Variants in DIAPH2 observed in about 807,000 individuals in gnomAD.
DIAPH2 encodes the protein diaphanous related formin 2.
A neutral mutation model predicts 92.7 loss-of-function variants in DIAPH2; 35 were observed. The ratio of observed to expected loss-of-function variants is 0.38; its 90% confidence interval spans 0.29 to 0.50. The LOEUF is 0.50. Ranked by LOEUF, DIAPH2 falls within the 20% of genes least tolerant of loss-of-function variation. The pLI is 0.94. For synonymous variants in DIAPH2, 301 were observed against 280.4 expected (o/e 1.07, Z -0.73); for missense variants, 701 against 819.5 (o/e 0.86, Z 1.77).
intron 23 of DIAPH2, among the ~76,000 whole-genome samples, chrX:97,305,115 G>A (rs2068734801): frequency 8.9e-6 from 1 of 112,116 alleles, no homozygotes; most frequent in African/African-American, 3.2e-5. Flanking sequence ...GGCACCATCT[G>A]TCCTAAGCTG....
chrX:96,731,470 C>CT lies in DIAPH2; in HGVS notation c.133-4286dup, dbSNP rs201235520. Among the ~76,000 whole-genome samples the CT allele has an allele frequency of 8.1e-3, 908 of 111,610 alleles. 7 individuals are homozygous for CT. The highest frequency in any genetic ancestry group is 0.029 in the African/African-American group (876 of 30,671). On this transcript the variant is annotated intron_variant, in intron 1 of 26. Coordinates refer to ENST00000324765, the MANE Select transcript of DIAPH2 (RefSeq NM_006729.5). ...GGTGAGACTTTTGAATTATATGCAA[C>CT]TTAGTTGTCCAATTTCTGTGGTAGT...
At chrX:96,696,238 C>A (rs1039672404) in intron 1 of DIAPH2, among the ~76,000 whole-genome samples, 2 of 111,120 alleles carry the variant, frequency 1.8e-5, no homozygotes, top group African/African-American at 6.6e-5. Context: ...CAGAGTGAGA[C>A]CCTGACTCTA....
At chrX:97,141,838 G>A in intron 22 of DIAPH2, 44 bp downstream of exon 22, 2 of 1,121,081 alleles carry the variant, frequency 1.8e-6, no homozygotes, top group Non-Finnish European at 1.2e-6. Context: ...TTGCCTATAT[G>A]GTTTAAATGG....
At chrX:97,037,799 CATG>C (rs2066421312) in intron 17 of DIAPH2, among the ~76,000 whole-genome samples, 1 of 111,480 alleles carries the variant, frequency 9.0e-6, no homozygotes, top group Non-Finnish European at 1.9e-5. Flanking sequence ...TCTGCAAATA[CATG>C]ATTTTATTGG....
intron 26 of DIAPH2, among the ~76,000 whole-genome samples, chrX:97,507,448 A>T (rs2070845291): frequency 1.8e-5 from 2 of 111,225 alleles, no homozygotes; most frequent in Non-Finnish European, 3.8e-5. Flanking sequence ...TTGTCAAGAC[A>T]TTTTATTCTG....
chrX:97,154,929 A>ATTC (rs1011924773), intron 22 of DIAPH2, among the ~76,000 whole-genome samples: 24 of 112,379 alleles, frequency 2.1e-4, no homozygotes, highest in Non-Finnish European at 4.1e-4. Flanking sequence ...AGTAGAAATG[A>ATTC]TTCTTAACTC....
At chrX:96,997,414 T>A (rs753752735) in intron 17 of DIAPH2, among the ~76,000 whole-genome samples, 18 of 111,536 alleles carry the variant, frequency 1.6e-4, no homozygotes, top group Non-Finnish European at 3.2e-4. Flanking sequence ...TTGGATGGTA[T>A]GTACAGCATC....
At chrX:97,347,812 AGT>A (rs1237315141) in intron 23 of DIAPH2, among the ~76,000 whole-genome samples, 1 of 111,224 alleles carries the variant, frequency 9.0e-6, no homozygotes, top group Non-Finnish European at 1.9e-5. Context: ...CAATATGTCT[AGT>A]GTAAGAAGAA....
At position 97,463,274 on chromosome X, in the gene DIAPH2, C is replaced by CTTT. The variant is rs34254892; in HGVS notation, c.3241+33543_3241+33545dup. 1.4e-3 allele frequency among the ~76,000 whole-genome samples: 130 copies of CTTT among 92,218 alleles called. 1 individual carries two copies. Among genetic ancestry groups the CTTT allele is most frequent in the South Asian group, 2.8e-3 (5 of 1,801 alleles). 80.1% of individuals were successfully genotyped at this position (92,218 alleles called of 115,157 possible). On this transcript the variant is annotated intron_variant, in intron 26 of 26. Coordinates refer to ENST00000324765, the MANE Select transcript of DIAPH2 (RefSeq NM_006729.5). ...CTGTGACAGGAATGTTATCTGAATC[C>CTTT]TTTTTTTTTTTTTTTTGCACCAGGC... is the stretch of plus-strand genomic sequence containing the variant.
chrX:96,751,647 G>GTTTTTTTTTTTTTTTTTTTTTTT (rs1332024432), intron 3 of DIAPH2, among the ~76,000 whole-genome samples: 75 of 85,035 alleles, frequency 8.8e-4, no homozygotes, highest in East Asian at 2.2e-3. Flanking sequence ...AGACTTCAGT[G>GTTTTTTTTTTTTTTTTTTTTTTT]TTTTGTTTTT....
intron 3 of DIAPH2, among the ~76,000 whole-genome samples, chrX:96,743,337 TTATATC>T (rs71829702): frequency 0.056 from 6,228 of 111,608 alleles, 194 homozygotes; most frequent in Middle Eastern, 0.15. Context: ...AAAATCCTGT[TTATATC>T]TAGTAGTGGA....
intron 26 of DIAPH2, among the ~76,000 whole-genome samples, chrX:97,593,976 T>C (rs1023817640): frequency 1.8e-5 from 2 of 111,645 alleles, no homozygotes; most frequent in Non-Finnish European, 3.8e-5. Flanking sequence ...CACAAATTCA[T>C]ATACTGCCAA....
chrX:97,498,904 T>C (rs910748420), intron 26 of DIAPH2, among the ~76,000 whole-genome samples: 2 of 111,175 alleles, frequency 1.8e-5, no homozygotes, highest in Non-Finnish European at 3.8e-5. Context: ...CCCAGAGAAG[T>C]TCCCTGAGGA....
intron 4 of DIAPH2, among the ~76,000 whole-genome samples, chrX:96,833,213 T>C (rs1233567915): frequency 9.0e-6 from 1 of 111,601 alleles, no homozygotes; most frequent in Admixed American, 9.6e-5. Context: ...ATTGAAAGGA[T>C]TTTGGAATTA....
chrX:96,971,409 T>C (rs1394015729), intron 17 of DIAPH2, among the ~76,000 whole-genome samples: 2 of 111,365 alleles, frequency 1.8e-5, no homozygotes, highest in East Asian at 5.7e-4. Context: ...TCATTTAACT[T>C]GATGCTCTGT....
rs185477486 is a variant in DIAPH2 at position 96,935,848 on chromosome X, A to G, written c.1090-1385A>G. Among the ~76,000 whole-genome samples, 566 of 111,872 alleles carry G rather than the reference A, an allele frequency of 5.1e-3. 6 individuals are homozygous for G. Among genetic ancestry groups the G allele is most frequent in the Non-Finnish European group, 6.3e-3 (336 of 53,073 alleles). Reference sequence around the variant, plus strand: ...TTTCTGAAATATTTGAAAGTGTTTAAGTTTTATGATGAATTTCTGAGAGAG... The same window carrying G: ...TTTCTGAAATATTTGAAAGTGTTTAGGTTTTATGATGAATTTCTGAGAGAG... On this transcript the variant is annotated intron_variant, in intron 10 of 26. Transcript: ENST00000324765.
intron 23 of DIAPH2, among the ~76,000 whole-genome samples, chrX:97,320,821 A>G (rs1193111811): frequency 8.9e-6 from 1 of 111,777 alleles, no homozygotes; most frequent in Non-Finnish European, 1.9e-5. Context: ...AATTTACATT[A>G]CAAACTGAGT....
chrX:96,736,886 A>G (rs758264948), intron 2 of DIAPH2, among the ~76,000 whole-genome samples: 1 of 112,410 alleles, frequency 8.9e-6, no homozygotes, highest in South Asian at 3.7e-4. Context: ...TTTAATGGTC[A>G]GTTGCATATT....
intron 10 of DIAPH2, among the ~76,000 whole-genome samples, chrX:96,931,195 T>C (rs924193816): frequency 1.2e-4 from 13 of 111,505 alleles, no homozygotes; most frequent in African/African-American, 4.2e-4. Flanking sequence ...ATAACCTAGA[T>C]TGATTTCATT....
Sources: allele counts gnomAD v4.1 joint callset (sites outside exome capture counted in the v4.1 genomes callset), GRCh38; gene constraint gnomAD v4.1.1; transcripts MANE v1.5; gene names NCBI Gene and HGNC (gene_info 2026-07-23, HGNC 2026-07-21).